Variants in PPFIBP1 observed in about 807,000 individuals in gnomAD.
PPFIBP1 encodes the protein liprin-beta-1.
PPFIBP1 carries 112 observed loss-of-function variants against 137.8 expected under a neutral mutation model. That is an observed-to-expected ratio of 0.81 (90% confidence interval 0.70 to 0.95). The LOEUF is 0.95. Ranked by LOEUF, PPFIBP1 falls within the 40% of genes least tolerant of loss-of-function variation. The pLI, the probability that PPFIBP1 is intolerant of heterozygous loss-of-function variation, is 0.00. For missense variants in PPFIBP1, 1,083 were observed against 1,196.6 expected, an observed-to-expected ratio of 0.91 and a Z score of 1.40; for synonymous variants, 378 against 417.3, an observed-to-expected ratio of 0.91 and a Z score of 1.15.
At chr12:27,637,698 G>A (rs5027753) in intron 4 of PPFIBP1, among the ~76,000 whole-genome samples, 280 of 152,208 alleles carry the variant, frequency 1.8e-3, no homozygotes, top group African/African-American at 6.5e-3. Flanking sequence ...GAAGAGAGGA[G>A]GGCTGGCTGT....
At chr12:27,595,945 T>C (rs73080216) in intron 2 of PPFIBP1, among the ~76,000 whole-genome samples, 26 of 150,340 alleles carry the variant, frequency 1.7e-4, no homozygotes, top group Non-Finnish European at 2.2e-4. Context: ...CCATCCCGGA[T>C]TGAAGAGGAT....
chr12:27,571,438 G>A (rs564639186), intron 1 of PPFIBP1, among the ~76,000 whole-genome samples: 2 of 152,224 alleles, frequency 1.3e-5, no homozygotes, highest in African/African-American at 4.8e-5. Context: ...GGTAAAATGA[G>A]AGGGAAAATG....
At chr12:27,686,641 A>G (rs76497981) in intron 24 of PPFIBP1, among the ~76,000 whole-genome samples, 2,606 of 152,308 alleles carry the variant, frequency 0.017, 75 homozygotes, top group African/African-American at 0.059. Context: ...ACAGGTCCTT[A>G]CTAAAAAATA....
At chr12:27,561,195 A>G (rs974419296) in intron 1 of PPFIBP1, among the ~76,000 whole-genome samples, 1 of 152,140 alleles carries the variant, frequency 6.6e-6, no homozygotes, top group Non-Finnish European at 1.5e-5. Context: ...TTCTAGAGAT[A>G]AGCAAGTTTG....
chr12:27,640,547 C>T (rs1484377273), intron 4 of PPFIBP1, among the ~76,000 whole-genome samples: 1 of 152,098 alleles, frequency 6.6e-6, no homozygotes, highest in East Asian at 1.9e-4. Context: ...AGGTGTGTAC[C>T]TATGACTAGG....
chr12:27,649,126 G>C (rs57349590), intron 6 of PPFIBP1, among the ~76,000 whole-genome samples: 5,161 of 152,216 alleles, frequency 0.034, 294 homozygotes, highest in African/African-American at 0.12. Flanking sequence ...CTACTATGTA[G>C]CCACACAAGT....
intron 2 of PPFIBP1, among the ~76,000 whole-genome samples, chr12:27,622,207 G>T (rs1470759587): frequency 2.0e-5 from 3 of 152,150 alleles, no homozygotes; most frequent in Admixed American, 6.5e-5. Context: ...CTGTGGTCCA[G>T]GGCTGCAGTT....
chr12:27,669,218 A>G (rs997714098), intron 13 of PPFIBP1, among the ~76,000 whole-genome samples: 1 of 152,252 alleles, frequency 6.6e-6, no homozygotes, highest in African/African-American at 2.4e-5. Context: ...GAAAACATTG[A>G]AAATTTCTCA....
At chr12:27,531,968 T>C (rs919507495) in intron 1 of PPFIBP1, among the ~76,000 whole-genome samples, 1 of 152,136 alleles carries the variant, frequency 6.6e-6, no homozygotes, top group Non-Finnish European at 1.5e-5. Flanking sequence ...GAATCCCCTG[T>C]TGTTACTAGC....
chr12:27,646,198 CTT>C (rs1376404432), intron 5 of PPFIBP1, 50 bp downstream of exon 5: 1 of 1,454,388 alleles, frequency 6.9e-7, no homozygotes, highest in African/African-American at 1.4e-5. Flanking sequence ...CTTACAAAGC[CTT>C]TTAAATTGGG....
chr12:27,539,325 A>G (rs1451008753), intron 1 of PPFIBP1, among the ~76,000 whole-genome samples: 1 of 152,188 alleles, frequency 6.6e-6, no homozygotes, highest in South Asian at 2.1e-4. Context: ...TTTATGTTAC[A>G]CTGTGTACTA....
At chr12:27,545,319 C>A (rs1565739917) in intron 1 of PPFIBP1, among the ~76,000 whole-genome samples, 1 of 152,062 alleles carries the variant, frequency 6.6e-6, no homozygotes, top group Non-Finnish European at 1.5e-5. Context: ...ATCACCATGG[C>A]ACATGTATGC....
At chr12:27,649,093 A>T (rs1369985043) in intron 6 of PPFIBP1, among the ~76,000 whole-genome samples, 1 of 152,216 alleles carries the variant, frequency 6.6e-6, no homozygotes, top group Non-Finnish European at 1.5e-5. Flanking sequence ...GTATCAAAAC[A>T]TATACCCCAT....
Position 27,672,584 on chromosome 12 carries a change from C to T in PPFIBP1, c.1319+101C>T, listed in dbSNP as rs1297342413. The T allele has an allele frequency of 4.5e-6, 4 of 889,586 alleles. No individual in the cohort carries two copies. The South Asian group carries it at 4.6e-5, about 10-fold the overall frequency. The allele number at this position is 889,586 out of a possible 1,614,324, so 55.1% of individuals were successfully genotyped here. A position where few individuals can be genotyped will look rare whatever the true frequency, so the allele number is the denominator to read the frequency against. ...TAATATTAACAGCAAATGACCGAGG[C>T]TGTTAAATTACTGAATAAATCAATG... On this transcript the variant is annotated intron_variant, in intron 15 of 29. Transcript: ENST00000228425.
chr12:27,680,802 C>T (rs568124423), intron 21 of PPFIBP1, among the ~76,000 whole-genome samples: 11 of 152,188 alleles, frequency 7.2e-5, no homozygotes, highest in Non-Finnish European at 1.0e-4. Context: ...AAGTACAAGA[C>T]ATTGATACCA....
chr12:27,599,531 TG>T (rs2053731105), intron 2 of PPFIBP1: 2 of 455,802 alleles, frequency 4.4e-6, no homozygotes, highest in Admixed American at 4.7e-5. Context: ...CCTTCCCTCC[TG>T]CCTTCCTTCC....
At chr12:27,554,905 G>T (rs1000540120) in intron 1 of PPFIBP1, among the ~76,000 whole-genome samples, 2 of 151,884 alleles carry the variant, frequency 1.3e-5, no homozygotes, top group Non-Finnish European at 2.9e-5. Context: ...AAGAACTGGG[G>T]CTGTGATGTC....
intron 27 of PPFIBP1, among the ~76,000 whole-genome samples, chr12:27,690,247 C>T (rs770963607): frequency 2.6e-5 from 4 of 151,990 alleles, no homozygotes; most frequent in Admixed American, 1.3e-4. Flanking sequence ...TTTAGGTACA[C>T]GGGTACTGCT....
intron 2 of PPFIBP1, among the ~76,000 whole-genome samples, chr12:27,580,161 G>A (rs1172405991): frequency 6.6e-6 from 1 of 152,156 alleles, no homozygotes; most frequent in East Asian, 1.9e-4. Context: ...AAGAAAAATA[G>A]AGGCAGGCCT....
Sources: gnomAD v4.1 joint callset for allele counts (sites outside exome capture counted in the v4.1 genomes callset) on GRCh38, gnomAD v4.1.1 for gene constraint, MANE v1.5 for transcripts, NCBI Gene and HGNC (gene_info 2026-07-23, HGNC 2026-07-21) for gene names.